AKAP9: variants seen among roughly 807,000 people sequenced by gnomAD.
AKAP9 encodes A-kinase anchor protein 9.
In AKAP9, 311 loss-of-function variants were observed where a neutral mutation model predicts 488.5. That is an observed-to-expected ratio of 0.64 (90% CI 0.58 to 0.70). The LOEUF (loss-of-function observed/expected upper bound fraction) is 0.70, where lower values mean the gene tolerates loss of function less well. Ranked by LOEUF, AKAP9 falls within the 30% of genes least tolerant of loss-of-function variation. The probability of loss-of-function intolerance (pLI) is 0.00; values close to 1 mark genes in which losing one functional copy is unlikely to be tolerated. For missense variants in AKAP9, 4,215 were observed against 4,374.5 expected (o/e 0.96, Z 1.03); for synonymous variants, 1,462 against 1,483.5 (o/e 0.99, Z 0.33).
At chr7:92,007,702 C>T (rs1452384337) in intron 8 of AKAP9, among the ~76,000 whole-genome samples, 1 of 152,074 alleles carries the variant, frequency 6.6e-6, no homozygotes, top group Non-Finnish European at 1.5e-5. Context: ...TGAAGTTCAA[C>T]TTAGTAATTG....
At position 92,077,831 on chromosome 7, in the gene AKAP9, G is replaced by T; in HGVS notation, c.6901G>T (p.Val2301Phe). ...AGAAATTGACCAATTAAATGAACAAGTTACGAAACTCCAGCAGCAACTTAA... is the reference window on the plus strand; with the variant it reads ...AGAAATTGACCAATTAAATGAACAATTTACGAAACTCCAGCAGCAACTTAA... The part of the protein sequence containing the change: ...EVEIDQLNEQ[V>F]TKLQQQLKIT... The change falls in exon 30 of 50, where the codon GTT becomes TTT. Residue 2301 changes from valine (V) to phenylalanine (F), a missense_variant. Val to Phe is a conservative substitution (Grantham distance 50). This residue lies in a region of AKAP9 where 1,476 missense variants were observed against 1,477.4 expected (regional missense o/e 1.00). Coordinates refer to ENST00000356239, the MANE Select transcript of AKAP9 (RefSeq NM_005751.5). 6.2e-7 allele frequency: 1 copy of T among 1,613,594 alleles called. No homozygotes were observed. Among genetic ancestry groups the T allele is most frequent in the South Asian group, 1.1e-5 (1 of 91,064 alleles).
At chr7:92,050,768 C>T (rs374532902) in intron 21 of AKAP9, among the ~76,000 whole-genome samples, 6 of 152,236 alleles carry the variant, frequency 3.9e-5, no homozygotes, top group African/African-American at 1.2e-4. Flanking sequence ...CCCAAAATTC[C>T]AACAGTTGAC....
chr7:92,054,032 TAA>T (rs1336532172), intron 22 of AKAP9, among the ~76,000 whole-genome samples: 2 of 152,290 alleles, frequency 1.3e-5, no homozygotes, highest in African/African-American at 4.8e-5. Flanking sequence ...GCATTAGGTA[TAA>T]AAAGTTATAA....
At position 92,065,308 on chromosome 7, in the gene AKAP9, C is replaced by T. The variant is rs1810591999; in HGVS notation, c.6055C>T (p.Leu2019Phe). Residue 2019 changes from leucine to phenylalanine, a missense_variant, in exon 25 of 50, where the codon CTT (leucine) becomes TTT (phenylalanine). By Grantham distance (22) the Leu-to-Phe change is conservative (BLOSUM62 0). Transcript: ENST00000356239. Reference sequence around the variant, plus strand: ...TCAAGCTGAAAAAGTACGTGATGACCTTCAAAAACAAGTGAAAGCTCTAGA... The same window carrying T: ...TCAAGCTGAAAAAGTACGTGATGACTTTCAAAAACAAGTGAAAGCTCTAGA... ...QCQAEKVRDDLQKQVKALEID... is the reference protein window; with the variant it reads ...QCQAEKVRDDFQKQVKALEID... The T allele has an allele frequency of 6.2e-7, 1 of 1,612,806 alleles. No homozygotes were observed. The highest frequency in any genetic ancestry group is 2.2e-5 in the East Asian group (1 of 44,662).
intron 48 of AKAP9, 73 bp from the exon 49 acceptor site, chr7:92,108,421 G>T: frequency 6.6e-7 from 1 of 1,504,478 alleles, no homozygotes; most frequent in South Asian, 1.1e-5. Context: ...GGGGAAGGGA[G>T]TGGAGGCAGG....
rs1799383836 is a variant in AKAP9, at chr7:92,003,219, T to C, written c.3302T>C (p.Val1101Ala). ...ENDKLQKELN[V>A]LKSEQNDLRL... ...GATAAACTTCAGAAAGAACTCAATG[T>C]ACTTAAATCAGAACAGGTATGTTTA... The change falls in exon 8 of 50, where the codon GTA becomes GCA. Residue 1101 changes from valine (V) to alanine (A), a missense_variant. This residue lies in a region of AKAP9 where 2,361 missense variants were observed against 2,430.0 expected (regional missense o/e 0.97). Transcript: ENST00000356239. 6.3e-7 allele frequency: 1 copy of C among 1,599,520 alleles called. No homozygotes were observed. Among genetic ancestry groups the C allele is most frequent in the Admixed American group, 1.7e-5 (1 of 59,798 alleles).
At position 92,079,539 on chromosome 7, in the gene AKAP9, T is replaced by A. The variant is rs763703530; in HGVS notation, c.7406T>A (p.Leu2469His). The A allele has an allele frequency of 4.3e-6, 7 of 1,613,826 alleles. No individual in the cohort carries two copies. The Admixed American group carries it at 6.7e-5, about 15-fold the overall frequency. Residue 2469 changes from leucine to histidine, a missense_variant, in exon 31 of 50, where the codon CTT becomes CAT. Around this residue, in one of 5 missense-constraint regions of AKAP9, gnomAD observed 1,476 missense variants for 1,477.4 expected, o/e 1.00. Transcript: ENST00000356239. The stretch of plus-strand genomic sequence containing the variant: ...GACAAACCTGAACTAGAAGTAGTCC[T>A]TACAGAGGATGCTCTTAAATCCCTA... ...SKDKPELEVVLTEDALKSLEN... is the reference protein window; with the variant it reads ...SKDKPELEVVHTEDALKSLEN...
chr7:92,105,014 C>T (rs1818299194), intron 46 of AKAP9, among the ~76,000 whole-genome samples: 1 of 152,068 alleles, frequency 6.6e-6, no homozygotes, highest in South Asian at 2.1e-4. Flanking sequence ...ACATACTTCA[C>T]TCTGCCCCAC....
At chr7:92,024,241 A>G (rs1002155062) in intron 14 of AKAP9, among the ~76,000 whole-genome samples, 9 of 151,338 alleles carry the variant, frequency 5.9e-5, no homozygotes, top group African/African-American at 1.9e-4. Context: ...GCAAACCTCC[A>G]TCTCTACTAA....
At chr7:92,058,490 A>G in intron 22 of AKAP9, 1 of 394,420 alleles carries the variant, frequency 2.5e-6, no homozygotes, top group South Asian at 2.1e-5. Context: ...TTAAGGCTAA[A>G]TGGGATAGAA....
chr7:92,015,202 GT>G (rs756111819), intron 10 of AKAP9, among the ~76,000 whole-genome samples: 1 of 152,070 alleles, frequency 6.6e-6, no homozygotes, highest in Non-Finnish European at 1.5e-5. Context: ...AGGAACAAAG[GT>G]AAAAGTTATT....
intron 20 of AKAP9, chr7:92,043,281 GC>G: frequency 1.0e-6 from 1 of 984,524 alleles, no homozygotes; most frequent in Middle Eastern, 5.2e-4. Context: ...TCCTTCCTCA[GC>G]TTGCATGGAG....
At chr7:92,105,825 C>A in intron 47 of AKAP9, 62 bp downstream of exon 47, 4 of 1,398,908 alleles carry the variant, frequency 2.9e-6, no homozygotes, top group Non-Finnish European at 3.0e-6. Flanking sequence ...GTCCCCCACC[C>A]CCAGACTATG....
intron 35 of AKAP9, among the ~76,000 whole-genome samples, chr7:92,085,231 T>C (rs373607512): frequency 1.9e-4 from 29 of 152,314 alleles, no homozygotes; most frequent in African/African-American, 6.7e-4. Flanking sequence ...TGTATTTATT[T>C]TGGTCAAATC....
chr7:92,041,811 C>CA, intron 18 of AKAP9: 1 of 394,994 alleles, frequency 2.5e-6, no homozygotes, highest in East Asian at 4.3e-5. Flanking sequence ...GCAAAATTGA[C>CA]AAAAATTAAT....
chr7:92,047,339 C>T (rs917747698), intron 21 of AKAP9, among the ~76,000 whole-genome samples: 1 of 152,108 alleles, frequency 6.6e-6, no homozygotes, highest in African/African-American at 2.4e-5. Context: ...GCTGCAGCCT[C>T]CCAAGTAGCT....
chr7:92,039,189 C>G (rs1322182302), intron 17 of AKAP9, among the ~76,000 whole-genome samples: 1 of 152,186 alleles, frequency 6.6e-6, no homozygotes, highest in Admixed American at 6.5e-5. Flanking sequence ...CAGGCATGAG[C>G]CACCGTGCCC....
chr7:91,984,395 G>C (rs553522641), intron 3 of AKAP9, among the ~76,000 whole-genome samples: 4 of 152,082 alleles, frequency 2.6e-5, no homozygotes, highest in African/African-American at 4.8e-5. Flanking sequence ...GAATCCTTTC[G>C]CCATTTCTTG....
intron 24 of AKAP9, among the ~76,000 whole-genome samples, chr7:92,064,037 C>T (rs909001497): frequency 1.3e-5 from 2 of 152,182 alleles, no homozygotes; most frequent in African/African-American, 2.4e-5. Flanking sequence ...CCACCTCTGC[C>T]TCCCAAAGTG....
Sources: allele counts gnomAD v4.1 joint callset (sites outside exome capture counted in the v4.1 genomes callset), GRCh38; gene constraint gnomAD v4.1.1; regional missense constraint gnomAD v4.1.1; transcripts MANE v1.5; gene names NCBI Gene and HGNC (gene_info 2026-07-23, HGNC 2026-07-21).